Variants in UHMK1 observed in about 807,000 individuals in gnomAD.
UHMK1 encodes serine/threonine-protein kinase Kist.
In UHMK1, 18 loss-of-function variants were observed where a neutral mutation model predicts 44.0. The ratio of observed to expected loss-of-function variants is 0.41; its 90% CI spans 0.28 to 0.61. The LOEUF (loss-of-function observed/expected upper bound fraction) is 0.61, where lower values mean the gene tolerates loss of function less well. UHMK1 is among the 20% of genes least tolerant of loss of function. The probability of loss-of-function intolerance (pLI) is 0.31; values close to 1 mark genes in which losing one functional copy is unlikely to be tolerated. For missense variants in UHMK1, 463 were observed against 522.5 expected, an observed-to-expected ratio of 0.89 and a Z score of 1.11; for synonymous variants, 231 against 198.5, an observed-to-expected ratio of 1.16 and a Z score of -1.38.
intron 7 of UHMK1, among the ~76,000 whole-genome samples, chr1:162,520,419 G>A (rs1267841372): frequency 6.6e-6 from 1 of 152,074 alleles, no homozygotes; most frequent in East Asian, 1.9e-4. Context: ...TTATGTTCTA[G>A]GTACCCATTG....
chr1:162,498,901 G>T (rs1651163474), intron 1 of UHMK1, among the ~76,000 whole-genome samples: 1 of 152,198 alleles, frequency 6.6e-6, no homozygotes, highest in Non-Finnish European at 1.5e-5. Context: ...ATTAGTTATA[G>T]CTTTGGTTAT....
chr1:162,519,375 G>C (rs1651961767), intron 7 of UHMK1, among the ~76,000 whole-genome samples: 1 of 151,912 alleles, frequency 6.6e-6, no homozygotes, highest in African/African-American at 2.4e-5. Context: ...GGTTCAGCTG[G>C]AGAAATGTTT....
rs139724628 is a variant in UHMK1 at position 162,498,006 on chromosome 1, G to A, written c.6G>A (p.Ala2=). M[A]GSGCAWGAEP... ...CGTGCCCTTAACCCACACCGATGGC[G>A]GGATCCGGCTGCGCCTGGGGCGCGG... Residue 2 remains alanine (A), a synonymous_variant, in exon 1 of 8, where the codon GCG becomes GCA. Transcript: ENST00000489294. 1.5e-3 allele frequency: 2,400 copies of A among 1,581,710 alleles called. 45 individuals are homozygous for A. In the African/African-American group the frequency reaches 0.03, roughly 19 times the overall value.
chr1:162,500,811 G>T (rs1651240475), intron 2 of UHMK1, 102 bp from the exon 3 acceptor site: 6 of 1,143,548 alleles, frequency 5.2e-6, no homozygotes, highest in South Asian at 3.4e-5. Context: ...ATTTAGCTTG[G>T]CAGTGGGTTT....
At chr1:162,518,273 T>C (rs1436509411) in intron 7 of UHMK1, 83 bp downstream of exon 7, 2 of 989,690 alleles carry the variant, frequency 2.0e-6, no homozygotes, top group Non-Finnish European at 3.1e-6. Flanking sequence ...TAGGAAGATG[T>C]ACAACAAAAT....
chr1:162,499,068 A>AAATTTTGC (rs1232077577), intron 1 of UHMK1, among the ~76,000 whole-genome samples: 1 of 152,218 alleles, frequency 6.6e-6, no homozygotes, highest in Non-Finnish European at 1.5e-5. Flanking sequence ...GAAAAGGGAA[A>AAATTTTGC]AATTTTGCAA....
Position 162,498,061 on chromosome 1 carries a change from C to A in UHMK1, c.61C>A (p.Arg21=), listed in dbSNP as rs1352908052. 4 of 1,604,872 alleles carry A rather than the reference C, an allele frequency of 2.5e-6. 1 individual carries two copies. In the South Asian group the frequency reaches 4.4e-5, roughly 18 times the overall value. The change falls in exon 1 of 8, where the codon CGG becomes AGG. Residue 21 remains arginine, a synonymous_variant. Coordinates refer to ENST00000489294, the MANE Select transcript of UHMK1 (RefSeq NM_175866.5). ...GCCGCGTTTTCTGGAGGCCTTCGGG[C>A]GGCTGTGGCAGGTACAGAGCCGTCT... ...EPPRFLEAFG[R]LWQVQSRLGS... is the part of the protein sequence containing the mutation.
intron 6 of UHMK1, among the ~76,000 whole-genome samples, chr1:162,515,344 A>T (rs1262813094): frequency 1.3e-5 from 2 of 152,220 alleles, no homozygotes; most frequent in African/African-American, 4.8e-5. Flanking sequence ...TTAAAGCCAG[A>T]TATTTAGGTC....
upstream of UHMK1, chr1:162,497,768 C>A (rs1372276800): frequency 1.5e-6 from 2 of 1,306,268 alleles, no homozygotes; most frequent in East Asian, 6.2e-5. Flanking sequence ...CCTTCTGAGC[C>A]CCCCCTCCTT....
At position 162,524,054 on chromosome 1, in the gene UHMK1, CAAAA is replaced by C. The variant is rs199799214; in HGVS notation, c.*1511_*1514del. ...TGCCTTTATGAAGCACTGATTATAC[CAAAA>C]AAAAAAGACAAGTTATATACAGGTT... is the stretch of plus-strand genomic sequence containing the variant. On this transcript the variant is annotated 3_prime_UTR_variant, in exon 8 of 8. Coordinates refer to ENST00000489294, the MANE Select transcript of UHMK1 (RefSeq NM_175866.5). 2.1e-5 allele frequency: 3 copies of C among 143,538 alleles called. No homozygotes were observed. Among genetic ancestry groups the C allele is most frequent in the African/African-American group, 7.6e-5 (3 of 39,292 alleles). 8.9% of individuals were successfully genotyped at this position (143,538 alleles called of 1,614,324 possible). A position where few individuals can be genotyped will look rare whatever the true frequency, so the allele number is the denominator to read the frequency against.
At chr1:162,516,218 G>C (rs1325033039) in intron 6 of UHMK1, among the ~76,000 whole-genome samples, 1 of 152,142 alleles carries the variant, frequency 6.6e-6, no homozygotes, top group African/African-American at 2.4e-5. Context: ...GAACCAAAGT[G>C]CAGCAGACAA....
intron 6 of UHMK1, among the ~76,000 whole-genome samples, chr1:162,513,763 G>A (rs1651746288): frequency 6.6e-6 from 1 of 152,168 alleles, no homozygotes; most frequent in East Asian, 1.9e-4. Flanking sequence ...TAAAGCTAAC[G>A]AGGTAGCCAG....
Position 162,522,704 on chromosome 1 carries a change from C to A in UHMK1, c.*154C>A, listed in dbSNP as rs551506542. On this transcript the variant is annotated 3_prime_UTR_variant, in exon 8 of 8. Coordinates refer to ENST00000489294, the MANE Select transcript of UHMK1 (RefSeq NM_175866.5). ...GCAGCCATTGCCCAAGCAGTGACTG[C>A]GTTGCATACATTTGGCACTGAGTAG... The A allele has an allele frequency of 7.0e-6, 6 of 852,220 alleles. No homozygotes were observed. The South Asian group carries it at 7.4e-5, about 11-fold the overall frequency. The allele number at this position is 852,220 out of a possible 1,614,324, so 52.8% of individuals were successfully genotyped here. A position where few individuals can be genotyped will look rare whatever the true frequency, so the allele number is the denominator to read the frequency against.
intron 7 of UHMK1, among the ~76,000 whole-genome samples, chr1:162,519,710 A>C (rs1182563211): frequency 6.6e-6 from 1 of 152,138 alleles, no homozygotes; most frequent in African/African-American, 2.4e-5. Context: ...GCTTTACCTT[A>C]GGGTTTCTCA....
rs1025486071 is a variant in UHMK1, at chr1:162,525,668, C to T, written c.*3118C>T. 1 of 152,188 alleles carries T rather than the reference C, an allele frequency of 6.6e-6. No homozygotes were observed. The highest frequency in any genetic ancestry group is 1.5e-5 in the Non-Finnish European group (1 of 68,036). 9.4% of individuals were successfully genotyped at this position (152,188 alleles called of 1,614,324 possible). On this transcript the variant is annotated 3_prime_UTR_variant, in exon 8 of 8. Transcript: ENST00000489294. The stretch of plus-strand genomic sequence containing the variant: ...TTAAAGGAATTTTTAAAACTATTCT[C>T]TTGCAATAAGAGATCCGCATTTATT...
chr1:162,498,555 A>G (rs556676958), intron 1 of UHMK1, among the ~76,000 whole-genome samples: 3 of 152,212 alleles, frequency 2.0e-5, no homozygotes, highest in Non-Finnish European at 4.4e-5. Context: ...TATCTTTTCT[A>G]GTGAGAGGAG....
chr1:162,497,742 T>C, upstream of UHMK1: 1 of 1,212,156 alleles, frequency 8.2e-7, no homozygotes, highest in Non-Finnish European at 1.0e-6. Context: ...GCGTCTAATC[T>C]CTTCTAGGCC....
intron 4 of UHMK1, among the ~76,000 whole-genome samples, chr1:162,511,212 A>G (rs1651658963): frequency 8.6e-6 from 1 of 116,264 alleles, no homozygotes; most frequent in African/African-American, 3.4e-5. Context: ...TTTTTTTGAG[A>G]CAGGGTCTCG....
At chr1:162,522,381 T>C (rs1346664225) in intron 7 of UHMK1, 23 bp from the exon 8 acceptor site, 24 of 1,612,862 alleles carry the variant, frequency 1.5e-5, no homozygotes, top group Non-Finnish European at 2.0e-5. Context: ...AAATGAAATG[T>C]TTTTTTCTCT....
Sources: gnomAD v4.1 joint callset for allele counts (sites outside exome capture counted in the v4.1 genomes callset) on GRCh38, gnomAD v4.1.1 for gene constraint, MANE v1.5 for transcripts, NCBI Gene and HGNC (gene_info 2026-07-23, HGNC 2026-07-21) for gene names.